The following TYW1 variants were observed in gnomAD, a reference collection of about 807,000 sequenced individuals.
TYW1 encodes the protein tRNA-yW synthesizing protein 1 homolog, also known as S-adenosyl-L-methionine-dependent tRNA 4-demethylwyosine synthase TYW1.
Under a neutral mutation model 96.2 loss-of-function variants are expected in TYW1, and 46 were observed. That is an observed-to-expected ratio of 0.48 (90% confidence interval 0.38 to 0.61). TYW1 has a LOEUF of 0.61. Ranked by LOEUF, TYW1 falls within the 20% of genes least tolerant of loss-of-function variation. TYW1 has a pLI of 0.00. For missense variants in TYW1, 684 were observed against 909.6 expected, an observed-to-expected ratio of 0.75 and a Z score of 3.19; for synonymous variants, 274 against 323.0, an observed-to-expected ratio of 0.85 and a Z score of 1.63.
intron 7 of TYW1, among the ~76,000 whole-genome samples, chr7:67,046,463 C>A (rs950263177): frequency 4.6e-5 from 7 of 152,070 alleles, no homozygotes; most frequent in African/African-American, 1.7e-4. Flanking sequence ...CTTGGCCACT[C>A]ATCTTTAAAT....
intron 13 of TYW1, among the ~76,000 whole-genome samples, chr7:67,154,009 G>A (rs1798889754): frequency 6.8e-6 from 1 of 146,730 alleles, no homozygotes; most frequent in South Asian, 2.1e-4. Flanking sequence ...CTTACTGCAA[G>A]TTCTGCCTCG....
intron 13 of TYW1, among the ~76,000 whole-genome samples, chr7:67,160,172 G>A (rs1270286029): frequency 6.6e-6 from 1 of 152,088 alleles, no homozygotes; most frequent in African/African-American, 2.4e-5. Context: ...TGAGGTGGGC[G>A]AATCCCTTGA....
chr7:67,009,803 G>A (rs1793730233), intron 4 of TYW1, 119 bp downstream of exon 4: 1 of 927,092 alleles, frequency 1.1e-6, no homozygotes, highest in South Asian at 1.9e-5. Flanking sequence ...CGTGCTAAGG[G>A]ATTTCAGTTA....
chr7:67,184,414 TG>T (rs1417724133), intron 14 of TYW1, among the ~76,000 whole-genome samples: 3 of 152,036 alleles, frequency 2.0e-5, no homozygotes, highest in Non-Finnish European at 4.4e-5. Flanking sequence ...AATATTTCAC[TG>T]GTGGTCTTGT....
intron 7 of TYW1, among the ~76,000 whole-genome samples, chr7:67,048,854 C>A (rs1350699988): frequency 6.6e-6 from 1 of 152,238 alleles, no homozygotes; most frequent in Non-Finnish European, 1.5e-5. Context: ...TGGCGAAACC[C>A]TGTCTATACT....
At chr7:67,205,456 C>T (rs1800759767) in intron 15 of TYW1, among the ~76,000 whole-genome samples, 1 of 151,558 alleles carries the variant, frequency 6.6e-6, no homozygotes, top group Non-Finnish European at 1.5e-5. Flanking sequence ...CTTCTGACAC[C>T]ACTCAAGTGT....
chr7:67,128,314 T>C (rs1797964044), intron 13 of TYW1, among the ~76,000 whole-genome samples: 1 of 152,204 alleles, frequency 6.6e-6, no homozygotes, highest in Non-Finnish European at 1.5e-5. Flanking sequence ...TCATCAGCCA[T>C]ATCCAGTCTC....
rs1424349734 is a variant in TYW1, at chr7:67,183,101, G to A, written c.1699-25G>A. On this transcript the variant is annotated intron_variant, in intron 13 of 15. Coordinates refer to ENST00000359626, the MANE Select transcript of TYW1 (RefSeq NM_018264.4). Reference sequence around the variant, plus strand: ...AGGTGACGTCCACCAAGATAACAACGAACTTGGCTTTTCCTTTGTTTTAGC... The same window carrying A: ...AGGTGACGTCCACCAAGATAACAACAAACTTGGCTTTTCCTTTGTTTTAGC... 7 of 1,584,386 alleles carry A rather than the reference G, an allele frequency of 4.4e-6. No homozygotes were observed. The South Asian group carries it at 4.7e-5, about 11-fold the overall frequency.
At chr7:67,118,736 A>C (rs1416175146) in intron 13 of TYW1, among the ~76,000 whole-genome samples, 7 of 151,876 alleles carry the variant, frequency 4.6e-5, no homozygotes, top group Non-Finnish European at 8.8e-5. Context: ...TCTACCAAAA[A>C]ACAAAATACA....
chr7:67,123,830 T>C (rs1364891535), intron 13 of TYW1, among the ~76,000 whole-genome samples: 1 of 152,158 alleles, frequency 6.6e-6, no homozygotes, highest in African/African-American at 2.4e-5. Context: ...AGTAAAGGTA[T>C]GACAAAAAAG....
chr7:67,031,109 C>T (rs912104804), intron 7 of TYW1, among the ~76,000 whole-genome samples: 13 of 134,312 alleles, frequency 9.7e-5, no homozygotes, highest in African/African-American at 3.4e-4. Context: ...AGGAGAATCA[C>T]TTGAACCCGG....
intron 11 of TYW1, among the ~76,000 whole-genome samples, chr7:67,089,000 C>T (rs1302122925): frequency 2.0e-5 from 3 of 152,168 alleles, no homozygotes; most frequent in South Asian, 2.1e-4. Context: ...GCATTTCCTT[C>T]GTAGTTTGTG....
At chr7:67,081,683 C>T (rs111966660) in intron 10 of TYW1, among the ~76,000 whole-genome samples, 2,605 of 151,470 alleles carry the variant, frequency 0.017, 74 homozygotes, top group African/African-American at 0.059. Flanking sequence ...CTCCTCCTCT[C>T]TCCTCTATCC....
intron 11 of TYW1, among the ~76,000 whole-genome samples, chr7:67,095,877 A>G (rs952825728): frequency 6.6e-5 from 10 of 152,096 alleles, no homozygotes; most frequent in African/African-American, 2.4e-4. Flanking sequence ...ATTTAACTTT[A>G]TTTCGCCCAC....
chr7:67,238,023 A>C (rs1205499710), intron 15 of TYW1, among the ~76,000 whole-genome samples: 4 of 152,100 alleles, frequency 2.6e-5, no homozygotes, highest in Non-Finnish European at 5.9e-5. Context: ...GGAAACATTT[A>C]ACCCTGTGTC....
At chr7:67,118,417 A>G (rs1346730895) in intron 13 of TYW1, among the ~76,000 whole-genome samples, 1 of 152,082 alleles carries the variant, frequency 6.6e-6, no homozygotes, top group Non-Finnish European at 1.5e-5. Context: ...AATCATCTCT[A>G]CATTACTTAT....
intron 15 of TYW1, among the ~76,000 whole-genome samples, chr7:67,219,116 G>A (rs1254314889): frequency 2.0e-5 from 3 of 152,104 alleles, no homozygotes; most frequent in South Asian, 2.1e-4. Flanking sequence ...CATGAAAAAC[G>A]CGAAAGGGTG....
intron 14 of TYW1, among the ~76,000 whole-genome samples, chr7:67,184,662 TG>T (rs1208445494): frequency 8.7e-5 from 7 of 80,418 alleles, no homozygotes; most frequent in African/African-American, 1.2e-4. Context: ...TGTTATGTTA[TG>T]TTATGTTATG....
chr7:67,106,427 C>A (rs2115905839), intron 12 of TYW1, among the ~76,000 whole-genome samples: 1 of 149,032 alleles, frequency 6.7e-6, no homozygotes, highest in East Asian at 1.9e-4. Context: ...TCCATAGAGT[C>A]ATTTCTTATA....
Sources: allele counts gnomAD v4.1 joint callset (sites outside exome capture counted in the v4.1 genomes callset), GRCh38; gene constraint gnomAD v4.1.1; transcripts MANE v1.5; gene names NCBI Gene and HGNC (gene_info 2026-07-23, HGNC 2026-07-21).